The following RYR1 variants were observed in gnomAD, a reference collection of about 807,000 sequenced individuals.
RYR1 encodes central core disease of muscle.
RYR1 carries 342 observed loss-of-function variants against 583.5 expected under a neutral mutation model. That is an observed-to-expected ratio of 0.59 (90% CI 0.54 to 0.64). The LOEUF (loss-of-function observed/expected upper bound fraction) is 0.64, where lower values mean the gene tolerates loss of function less well. Ranked by LOEUF, RYR1 falls within the 30% of genes least tolerant of loss-of-function variation. The pLI, the probability that RYR1 is intolerant of heterozygous loss-of-function variation, is 0.00. For synonymous variants in RYR1, 2,791 were observed against 2,822.5 expected (o/e 0.99, Z 0.35); for missense variants, 6,032 against 6,917.2 (o/e 0.87, Z 4.54).
intron 93 of RYR1, among the ~76,000 whole-genome samples, chr19:38,568,520 G>C (rs530814685): frequency 6.7e-6 from 1 of 149,488 alleles, no homozygotes; most frequent in South Asian, 2.1e-4. Context: ...CGGATCGCCT[G>C]AGGTCAGGAG....
At chr19:38,461,475 G>A (rs898918508) in intron 20 of RYR1, among the ~76,000 whole-genome samples, 7 of 151,870 alleles carry the variant, frequency 4.6e-5, no homozygotes, top group East Asian at 1.9e-4. Context: ...TCACACCTGC[G>A]ATCCTAGAAC....
intron 13 of RYR1, among the ~76,000 whole-genome samples, chr19:38,454,715 A>T (rs1337667033): frequency 1.3e-5 from 2 of 152,036 alleles, no homozygotes; most frequent in East Asian, 3.9e-4. Context: ...ATGAGAATTG[A>T]TTGTATATGT....
At chr19:38,553,316 CAG>C (rs1972743424) in intron 89 of RYR1, among the ~76,000 whole-genome samples, 1 of 132,790 alleles carries the variant, frequency 7.5e-6, no homozygotes, top group Admixed American at 8.6e-5. Flanking sequence ...GCCTGGGTGA[CAG>C]AGTGTGACTC....
chr19:38,523,493 T>TTCTCCCTCCTCCCA (rs1568535429), intron 69 of RYR1, 184 bp downstream of exon 69: 1 of 658,732 alleles, frequency 1.5e-6, no homozygotes, highest in Non-Finnish European at 2.7e-6. Flanking sequence ...CTCCTGTATC[T>TTCTCCCTCCTCCCA]TCTCCCTCCT....
chr19:38,573,369 C>G, intron 96 of RYR1, 62 bp downstream of exon 96: 1 of 1,578,114 alleles, frequency 6.3e-7, no homozygotes, highest in Non-Finnish European at 8.6e-7. Flanking sequence ...CCACCCAGTC[C>G]AGGCCTGGAC....
At position 38,566,833 on chromosome 19, in the gene RYR1, GGAGAT is replaced by G. The variant is rs539362305; in HGVS notation, c.13438-73_13438-69del. The G allele has an allele frequency of 1.5e-3, 2,365 of 1,553,796 alleles. 8 individuals are homozygous for G. The highest frequency in any genetic ancestry group is 2.7e-3 in the South Asian group (230 of 84,348). On this transcript the variant is annotated intron_variant, in intron 91 of 105. Coordinates refer to ENST00000359596, the MANE Select transcript of RYR1 (RefSeq NM_000540.3). ...TTACCCAGGGGAAATAAGAGAGAAA[GGAGAT>G]GAGAGGAGCAGGCAGGCAGCCTGAG...
intron 96 of RYR1, among the ~76,000 whole-genome samples, chr19:38,574,900 C>T (rs920540476): frequency 6.6e-6 from 1 of 151,832 alleles, no homozygotes; most frequent in Non-Finnish European, 1.5e-5. Context: ...ATTAGCTGGG[C>T]GTGGCAGTGG....
chr19:38,510,344 G>A (rs1348549878), intron 58 of RYR1, among the ~76,000 whole-genome samples, 154 bp from the exon 59 acceptor site: 1 of 152,080 alleles, frequency 6.6e-6, no homozygotes, highest in Non-Finnish European at 1.5e-5. Context: ...TGAAAGATAG[G>A]AGAAAGGTTT....
intron 96 of RYR1, among the ~76,000 whole-genome samples, chr19:38,574,084 C>T (rs1470335840): frequency 2.0e-5 from 3 of 151,638 alleles, no homozygotes; most frequent in Non-Finnish European, 4.4e-5. Flanking sequence ...ACTAAAAATA[C>T]AAAAATTAGT....
chr19:38,571,170 A>G (rs1206489048), intron 94 of RYR1, among the ~76,000 whole-genome samples: 1 of 152,214 alleles, frequency 6.6e-6, no homozygotes, highest in African/African-American at 2.4e-5. Context: ...GGTCTAGATA[A>G]CAGGACAGTA....
chr19:38,468,221 A>G (rs942055098), intron 25 of RYR1, among the ~76,000 whole-genome samples: 2 of 151,910 alleles, frequency 1.3e-5, no homozygotes, highest in African/African-American at 4.8e-5. Context: ...CCATCCATCC[A>G]TCCATCCATC....
chr19:38,543,370 C>T lies in RYR1; in HGVS notation c.11713C>T (p.Gln3905Ter). ...AGATTTCCAGAACTACCTACGGACACAGACAGGGAACACGACCACTATTAA... is the reference window on the plus strand; with the variant it reads ...AGATTTCCAGAACTACCTACGGACATAGACAGGGAACACGACCACTATTAA... ...NNDFQNYLRT[Q>*]TGNTTTINII... Residue 3905 changes from glutamine (Q) to a stop codon, truncating the protein, a stop_gained, in exon 85 of 106, where the codon CAG becomes TAG. Coordinates refer to ENST00000359596, the MANE Select transcript of RYR1 (RefSeq NM_000540.3). LOFTEE classifies it high-confidence loss of function. This position sits in a 1 kb window ranked among gnomAD's most constrained non-coding sequence, Gnocchi z 4.4. The T allele has an allele frequency of 6.2e-7, 1 of 1,614,218 alleles. No individual in the cohort carries two copies. The highest frequency in any genetic ancestry group is 8.5e-7 in the Non-Finnish European group (1 of 1,180,042).
chr19:38,486,143 G>T lies in RYR1; in HGVS notation c.5488G>T (p.Val1830Phe). ...RDGGQHARDP[V>F]GGSVEFQFVP... ...CGGTGGGCAGCACGCTCGCGACCCC[G>T]TCGGGGGCTCCGTGGAGTTCCAGTT... is the stretch of plus-strand genomic sequence containing the variant. Residue 1830 changes from valine to phenylalanine, a missense_variant, in exon 34 of 106, where the codon GTC (valine) becomes TTC (phenylalanine). This residue lies in a region of RYR1 where 2,627 missense variants were observed against 2,961.3 expected (regional missense o/e 0.89). Transcript: ENST00000359596. 6.2e-7 allele frequency: 1 copy of T among 1,613,204 alleles called. No homozygotes were observed. The highest frequency in any genetic ancestry group is 8.5e-7 in the Non-Finnish European group (1 of 1,179,924).
chr19:38,543,773 T>A lies in RYR1; in HGVS notation c.11910T>A (p.Gly3970=). ...CCACACGGCACTCTGCCTCCCAGGG[T>A]CCCTGCACCGGGAACCAGCAGAGCC... The part of the protein sequence containing the change: ...VFNSLTEYIQ[G]PCTGNQQSLA... The change falls in exon 87 of 106, where the codon GGT becomes GGA. Residue 3970 remains glycine, a splice_region_variant and synonymous_variant. Transcript: ENST00000359596. The surrounding 1 kb of genome is among the most constrained non-coding windows in gnomAD (Gnocchi z 4.4). The A allele has an allele frequency of 6.2e-7, 1 of 1,612,986 alleles. No individual in the cohort carries two copies. The highest frequency in any genetic ancestry group is 1.7e-4 in the Middle Eastern group (1 of 6,058).
At chr19:38,546,387 C>G (rs1972425229) in intron 87 of RYR1, 58 bp from the exon 88 acceptor site, 1 of 1,473,180 alleles carries the variant, frequency 6.8e-7, no homozygotes, top group Non-Finnish European at 9.5e-7. Context: ...GGGGGAGAAG[C>G]AACAGAGGTG....
At chr19:38,572,879 C>A (rs1171395288) in intron 95 of RYR1, among the ~76,000 whole-genome samples, 1 of 150,006 alleles carries the variant, frequency 6.7e-6, no homozygotes, top group African/African-American at 2.5e-5. Flanking sequence ...CCAATTCCAG[C>A]CCTGACTCTT....
At position 38,477,805 on chromosome 19, in the gene RYR1, C is replaced by T. The variant is rs764530417; in HGVS notation, c.4389C>T (p.Phe1463=). Residue 1463 remains phenylalanine, a synonymous_variant, in exon 30 of 106, where the codon TTC becomes TTT. Coordinates refer to ENST00000359596, the MANE Select transcript of RYR1 (RefSeq NM_000540.3). ...TPDYHQHDMS[F]DLSKVRVVTV... ...ACTACCATCAGCACGACATGAGCTT[C>T]GACCTCAGCAAGGTCCGGGTCGTGA... The T allele has an allele frequency of 6.2e-6, 10 of 1,613,844 alleles. No individual in the cohort carries two copies. Among genetic ancestry groups the T allele is most frequent in the South Asian group, 5.5e-5 (5 of 91,072 alleles).
chr19:38,565,091 C>A lies in RYR1; in HGVS notation c.12757C>A (p.Pro4253Thr). The change falls in exon 91 of 106, where the codon CCC becomes ACC. Residue 4253 changes from proline (P) to threonine (T), a missense_variant. Pro to Thr is a conservative substitution (Grantham distance 38). Transcript: ENST00000359596. The surrounding 1 kb of genome is among the most constrained non-coding windows in gnomAD (Gnocchi z 4.7). ...GCAGATCGCCGCGCAGATCTCGGAG[C>A]CCGAGGGCGAGCCGGAGACCGACGA... is the stretch of plus-strand genomic sequence containing the variant. ...EMQIAAQISE[P>T]EGEPETDEDE... 6.4e-7 allele frequency: 1 copy of A among 1,552,288 alleles called. No homozygotes were observed.
In RYR1 at chr19:38,528,355, C is replaced by T. The variant is rs1294717154; in HGVS notation, c.10874C>T (p.Ser3625Phe). 1 of 1,614,098 alleles carries T rather than the reference C, an allele frequency of 6.2e-7. No individual in the cohort carries two copies. The highest frequency in any genetic ancestry group is 1.7e-5 in the Admixed American group (1 of 60,024). Reference sequence around the variant, plus strand: ...AAGGCCGTGTGGCACAAGCTTTTGTCCAAACAGCGCCGGCGGGCAGTCGTG... The same window carrying T: ...AAGGCCGTGTGGCACAAGCTTTTGTTCAAACAGCGCCGGCGGGCAGTCGTG... ...SKKAVWHKLL[S>F]KQRRRAVVAC... Residue 3625 changes from serine to phenylalanine, a missense_variant, in exon 74 of 106, where the codon TCC becomes TTC. Around this residue, in one of 11 missense-constraint regions of RYR1, gnomAD observed 1,493 missense variants for 1,715.5 expected, o/e 0.87. Coordinates refer to ENST00000359596, the MANE Select transcript of RYR1 (RefSeq NM_000540.3).
Sources: gnomAD v4.1 joint callset for allele counts (sites outside exome capture counted in the v4.1 genomes callset) on GRCh38, gnomAD v4.1.1 for gene constraint, gnomAD v4.1.1 regional missense constraint, Gnocchi (gnomAD v3.1) non-coding constraint, MANE v1.5 for transcripts, NCBI Gene and HGNC (gene_info 2026-07-23, HGNC 2026-07-21) for gene names.